PACRG: variants seen among roughly 807,000 people sequenced by gnomAD.
PACRG encodes parkin coregulated.
In PACRG, 29 loss-of-function variants were observed where a neutral mutation model predicts 29.7. The observed-to-expected ratio is 0.98, with a 90% confidence interval of 0.73 to 1.33. The LOEUF is 1.33. Among genes scored for constraint, PACRG ranks in the 40% most tolerant of loss-of-function variants. PACRG has a pLI of 0.00. For missense variants in PACRG, 279 were observed against 316.2 expected (o/e 0.88, Z 0.89); for synonymous variants, 116 against 118.7 (o/e 0.98, Z 0.15).
At chr6:162,934,587 C>G (rs1798102618) in intron 2 of PACRG, among the ~76,000 whole-genome samples, 1 of 152,146 alleles carries the variant, frequency 6.6e-6, no homozygotes, top group Non-Finnish European at 1.5e-5. Context: ...AATTTAAACC[C>G]TTTACATTCA....
At chr6:163,251,352 A>C (rs1782897296) in intron 4 of PACRG, among the ~76,000 whole-genome samples, 1 of 152,214 alleles carries the variant, frequency 6.6e-6, no homozygotes, top group Non-Finnish European at 1.5e-5. Flanking sequence ...GGAACTTCTG[A>C]AACCTTATCT....
chr6:162,759,105 T>C (rs1226623716), intron 1 of PACRG, among the ~76,000 whole-genome samples: 1 of 152,222 alleles, frequency 6.6e-6, no homozygotes, highest in East Asian at 1.9e-4. Context: ...GGAGGAACAT[T>C]CATCTGATGA....
intron 4 of PACRG, among the ~76,000 whole-genome samples, chr6:163,181,163 G>A (rs2128353751): frequency 6.6e-6 from 1 of 152,306 alleles, no homozygotes; most frequent in African/African-American, 2.4e-5. Context: ...AACTATCGCT[G>A]GAACCAGGGT....
intron 2 of PACRG, among the ~76,000 whole-genome samples, chr6:162,850,011 C>T (rs973641657): frequency 1.2e-4 from 18 of 152,168 alleles, no homozygotes; most frequent in African/African-American, 3.6e-4. Context: ...TCTAAGAATC[C>T]ATAAATGTGC....
At chr6:162,880,147 G>T (rs1349343332) in intron 2 of PACRG, among the ~76,000 whole-genome samples, 1 of 152,182 alleles carries the variant, frequency 6.6e-6, no homozygotes, top group African/African-American at 2.4e-5. Context: ...AAGAGGAAAG[G>T]TCTGATCTTC....
At chr6:163,216,417 G>A (rs1318242032) in intron 4 of PACRG, among the ~76,000 whole-genome samples, 1 of 152,204 alleles carries the variant, frequency 6.6e-6, no homozygotes, top group African/African-American at 2.4e-5. Flanking sequence ...CGATTCACAG[G>A]CTGCTCTCAA....
At chr6:163,020,451 T>C (rs6455862) in intron 2 of PACRG, among the ~76,000 whole-genome samples, 93,957 of 152,030 alleles carry the variant, frequency 0.62, 30,628 homozygotes, top group East Asian at 0.96. Context: ...CCCCTCCCAA[T>C]CTGATTTTTG....
rs1438599840 is a variant in PACRG at position 162,823,325 on chromosome 6, A to G, written c.291+9044A>G. On this transcript the variant is annotated intron_variant, in intron 2 of 4. Transcript: ENST00000366888. Reference sequence around the variant, plus strand: ...TGTCTACTTACTTGAAACTTTCTCAACTGAGGAAAGTTTTCTTTTGTAATA... The same window carrying G: ...TGTCTACTTACTTGAAACTTTCTCAGCTGAGGAAAGTTTTCTTTTGTAATA... Among the ~76,000 whole-genome samples, 3 of 151,990 alleles carry G rather than the reference A, an allele frequency of 2.0e-5. 1 individual carries two copies. In the East Asian group the frequency reaches 5.8e-4, roughly 29 times the overall value.
intron 2 of PACRG, among the ~76,000 whole-genome samples, chr6:162,995,585 T>C (rs139167467): frequency 0.038 from 5,845 of 152,312 alleles, 342 homozygotes; most frequent in African/African-American, 0.12. Flanking sequence ...GGCAATGCCT[T>C]GCCCTGCTTC....
At chr6:162,830,904 A>G (rs1788712032) in intron 2 of PACRG, among the ~76,000 whole-genome samples, 1 of 152,072 alleles carries the variant, frequency 6.6e-6, no homozygotes, top group African/African-American at 2.4e-5. Context: ...GCTCTCCTTT[A>G]TTTAGTCATG....
chr6:162,900,957 C>G (rs1056489064), intron 2 of PACRG, among the ~76,000 whole-genome samples: 6 of 152,312 alleles, frequency 3.9e-5, no homozygotes, highest in African/African-American at 1.4e-4. Flanking sequence ...TCTTCAACTA[C>G]GCATCCCGTC....
At chr6:163,052,103 A>G (rs1376515502) in intron 2 of PACRG, 1 of 152,186 alleles carries the variant, frequency 6.6e-6, no homozygotes, top group African/African-American at 2.4e-5. Context: ...TTGAAAAATA[A>G]TAGTACATCT....
chr6:163,244,988 G>A, intron 4 of PACRG: 1 of 450,818 alleles, frequency 2.2e-6, no homozygotes, highest in Non-Finnish European at 4.4e-6. Flanking sequence ...GCGAAGTGGG[G>A]AGGTCCAGAC....
At chr6:162,750,541 A>G (rs1004301453) in intron 1 of PACRG, among the ~76,000 whole-genome samples, 1 of 152,188 alleles carries the variant, frequency 6.6e-6, no homozygotes, top group South Asian at 2.1e-4. Context: ...TTGTAATTAT[A>G]TTTTCCATCT....
At chr6:163,173,467 A>G (rs1199382550) in intron 4 of PACRG, among the ~76,000 whole-genome samples, 1 of 152,158 alleles carries the variant, frequency 6.6e-6, no homozygotes, top group African/African-American at 2.4e-5. Context: ...GGTTATAAAG[A>G]TACTGCAACC....
chr6:162,881,193 G>T (rs955431534), intron 2 of PACRG, among the ~76,000 whole-genome samples: 6 of 152,104 alleles, frequency 3.9e-5, no homozygotes, highest in African/African-American at 1.4e-4. Context: ...AACTTTAAAC[G>T]ACCTGGCAGT....
intron 2 of PACRG, among the ~76,000 whole-genome samples, chr6:162,884,238 C>A (rs553984848): frequency 3.4e-3 from 515 of 152,290 alleles, no homozygotes; most frequent in Admixed American, 6.1e-3. Context: ...TTGCACCCTG[C>A]ACTTTTTGTT....
At chr6:163,179,267 G>A (rs1027787160) in intron 4 of PACRG, 6 of 455,610 alleles carry the variant, frequency 1.3e-5, no homozygotes, top group African/African-American at 6.0e-5. Flanking sequence ...GAAAGGAGGC[G>A]GCAGCTGGGG....
intron 1 of PACRG, among the ~76,000 whole-genome samples, chr6:162,745,006 A>G (rs1584212917): frequency 6.6e-6 from 1 of 152,260 alleles, no homozygotes; most frequent in South Asian, 2.1e-4. Flanking sequence ...TTTTGGGCCC[A>G]GCATTCTAGA....
Sources: allele counts gnomAD v4.1 joint callset (sites outside exome capture counted in the v4.1 genomes callset), GRCh38; gene constraint gnomAD v4.1.1; transcripts MANE v1.5; gene names NCBI Gene and HGNC (gene_info 2026-07-23, HGNC 2026-07-21).